The following GPR26 variants were observed in gnomAD, a reference collection of about 807,000 sequenced individuals.
GPR26 encodes the protein G protein-coupled receptor 26.
A neutral mutation model predicts 23.1 loss-of-function variants in GPR26; 15 were observed. The observed-to-expected ratio is 0.65, with a 90% CI of 0.43 to 1.00. The LOEUF (loss-of-function observed/expected upper bound fraction) is 1.00, where lower values mean the gene tolerates loss of function less well. Ranked by LOEUF, GPR26 falls within the 50% of genes least tolerant of loss-of-function variation. The pLI is 0.00. For missense variants in GPR26, 359 were observed against 470.5 expected, an observed-to-expected ratio of 0.76 and a Z score of 2.19; for synonymous variants, 228 against 222.1, an observed-to-expected ratio of 1.03 and a Z score of -0.24.
intron 2 of GPR26, among the ~76,000 whole-genome samples, chr10:123,686,236 A>G (rs1473882836): frequency 1.3e-5 from 2 of 152,242 alleles, no homozygotes; most frequent in South Asian, 2.1e-4. Context: ...TGAAAAAGCA[A>G]TTTGGCATCG....
At chr10:123,681,249 G>A (rs1028514118) in intron 2 of GPR26, among the ~76,000 whole-genome samples, 3 of 152,074 alleles carry the variant, frequency 2.0e-5, no homozygotes, top group Non-Finnish European at 2.9e-5. Flanking sequence ...TGAAACCGGC[G>A]GCCGTGCCCA....
chr10:123,686,857 C>T (rs1008720), intron 2 of GPR26, among the ~76,000 whole-genome samples: 129,541 of 152,136 alleles, frequency 0.85, 55,317 homozygotes, highest in East Asian at 0.94. Context: ...CTCTCTGGGC[C>T]TCAATTTTTT....
Position 123,689,104 on chromosome 10 carries a change from T to G in GPR26, c.*944T>G, listed in dbSNP as rs1359366576. 1 of 152,242 alleles carries G rather than the reference T, an allele frequency of 6.6e-6. No individual in the cohort carries two copies. The highest frequency in any genetic ancestry group is 2.4e-5 in the African/African-American group (1 of 41,460). The allele number at this position is 152,242 out of a possible 1,614,324, so 9.4% of individuals were successfully genotyped here. On this transcript the variant is annotated 3_prime_UTR_variant, in exon 3 of 3. Transcript: ENST00000284674. ...GGAGATGGATGGGCAAGAACTGGCC[T>G]GAGCAGGGATTTTTGCCTTGATTTT...
At position 123,691,556 on chromosome 10, in the gene GPR26, G is replaced by A. The variant is rs1845490801; in HGVS notation, c.*3396G>A. 6.6e-6 allele frequency: 1 copy of A among 152,164 alleles called. No homozygotes were observed. The allele number at this position is 152,164 out of a possible 1,614,324, so 9.4% of individuals were successfully genotyped here. On this transcript the variant is annotated 3_prime_UTR_variant, in exon 3 of 3. Transcript: ENST00000284674. ...GACCCTTGGAGGAACCAAAGGCTGT[G>A]CATTGTTAGAATTTAGCCCAGATGC...
In GPR26 at chr10:123,695,607, A is replaced by C. The variant is rs1991396; in HGVS notation, c.*7447A>C. ...GACACTCAATTGATTGGGTGACCCA[A>C]GATGGTCAGTTTCCTAAGGACCAGA... On this transcript the variant is annotated 3_prime_UTR_variant, in exon 3 of 3. Coordinates refer to ENST00000284674, the MANE Select transcript of GPR26 (RefSeq NM_153442.4). 0.25 allele frequency among the ~76,000 whole-genome samples: 38,371 copies of C among 152,036 alleles called. 5,648 individuals are homozygous for C. Among genetic ancestry groups the C allele is most frequent in the African/African-American group, 0.41 (17,004 of 41,420 alleles).
In GPR26 at chr10:123,688,396, T is replaced by C; in HGVS notation, c.*236T>C. On this transcript the variant is annotated 3_prime_UTR_variant, in exon 3 of 3. Transcript: ENST00000284674. ...TGTAGGCCGTGTGCTGGCCTTTCTT[T>C]CTAAGAAGCTGCTTTGAGCTCCTGG... 1.9e-6 allele frequency: 1 copy of C among 535,040 alleles called. No individual in the cohort carries two copies. The highest frequency in any genetic ancestry group is 2.1e-5 in the South Asian group (1 of 47,582). 33.1% of individuals were successfully genotyped at this position (535,040 alleles called of 1,614,324 possible). A position where few individuals can be genotyped will look rare whatever the true frequency, so the allele number is the denominator to read the frequency against.
intron 2 of GPR26, among the ~76,000 whole-genome samples, chr10:123,677,919 A>G (rs1224503834): frequency 6.6e-6 from 1 of 152,106 alleles, no homozygotes; most frequent in Non-Finnish European, 1.5e-5. Context: ...ACGAGCTCTG[A>G]GACTTAGCAT....
In GPR26 at chr10:123,669,085, C is replaced by T. The variant is rs573842882; in HGVS notation, c.668+2010C>T. Reference sequence around the variant, plus strand: ...GAGGACCTTGATCTCTTCCTAGCCCCGGGCTGCTTTGAAGAGCCCCTGCTC... The same window carrying T: ...GAGGACCTTGATCTCTTCCTAGCCCTGGGCTGCTTTGAAGAGCCCCTGCTC... On this transcript the variant is annotated intron_variant, in intron 1 of 2. Coordinates refer to ENST00000284674, the MANE Select transcript of GPR26 (RefSeq NM_153442.4). Among the ~76,000 whole-genome samples the T allele has an allele frequency of 7.2e-5, 11 of 152,296 alleles. No individual in the cohort carries two copies. In the South Asian group the frequency reaches 1.5e-3, roughly 20 times the overall value.
chr10:123,686,993 CTT>C (rs1845436803), intron 2 of GPR26, among the ~76,000 whole-genome samples: 1 of 152,126 alleles, frequency 6.6e-6, no homozygotes, highest in African/African-American at 2.4e-5. Flanking sequence ...GCTGGACACA[CTT>C]GAGAGAGTAA....
chr10:123,678,793 G>A (rs1209242428), intron 2 of GPR26, among the ~76,000 whole-genome samples: 4 of 152,198 alleles, frequency 2.6e-5, no homozygotes, highest in African/African-American at 9.7e-5. Flanking sequence ...TCAGAGTTCT[G>A]CTTCCCCTGC....
chr10:123,676,055 C>T (rs932779717), intron 2 of GPR26, among the ~76,000 whole-genome samples: 31 of 152,174 alleles, frequency 2.0e-4, no homozygotes, highest in African/African-American at 7.5e-4. Context: ...GCATGATTTG[C>T]TCTGGCCTCT....
At chr10:123,678,150 A>T (rs910327092) in intron 2 of GPR26, among the ~76,000 whole-genome samples, 1 of 152,214 alleles carries the variant, frequency 6.6e-6, no homozygotes, top group African/African-American at 2.4e-5. Context: ...AGTTAAATAA[A>T]ATATGTAATT....
rs903794959 is a variant in GPR26 at position 123,674,780 on chromosome 10, T to C, written c.669-38T>C. The C allele has an allele frequency of 8.1e-6, 11 of 1,350,580 alleles. No homozygotes were observed. Among genetic ancestry groups the C allele is most frequent in the Non-Finnish European group, 1.1e-5 (10 of 944,620 alleles). 83.7% of individuals were successfully genotyped at this position (1,350,580 alleles called of 1,614,324 possible). A position where few individuals can be genotyped will look rare whatever the true frequency, so the allele number is the denominator to read the frequency against. ...GTGCCTCATCCTGACCTAGCAAGGG[T>C]GCCTCGTAGTTCACCTTCTCTCCTC... On this transcript the variant is annotated intron_variant, in intron 1 of 2. Transcript: ENST00000284674. This position sits in a 1 kb window ranked among gnomAD's most constrained non-coding sequence, Gnocchi z 4.1.
chr10:123,674,046 C>T lies in GPR26; in HGVS notation c.669-772C>T, dbSNP rs1175996525. On this transcript the variant is annotated intron_variant, in intron 1 of 2. Coordinates refer to ENST00000284674, the MANE Select transcript of GPR26 (RefSeq NM_153442.4). The surrounding 1 kb of genome is among the most constrained non-coding windows in gnomAD (Gnocchi z 4.1). ...GGTCTCAGCTCACTGCAACCTCTGC[C>T]TCCTGGGTTCAAGTGATTCTCCTGT... 1.3e-5 allele frequency among the ~76,000 whole-genome samples: 2 copies of T among 152,184 alleles called. No individual in the cohort carries two copies. Among genetic ancestry groups the T allele is most frequent in the Non-Finnish European group, 2.9e-5 (2 of 68,032 alleles).
rs1845285450 is a variant in GPR26 at position 123,674,552 on chromosome 10, C to T, written c.669-266C>T. ...TTTATGCATTTAATTCTCAAAACAGCCTCTTGTAGCATTTTATTACATTAT... is the reference window on the plus strand; with the variant it reads ...TTTATGCATTTAATTCTCAAAACAGTCTCTTGTAGCATTTTATTACATTAT... On this transcript the variant is annotated intron_variant, in intron 1 of 2. Transcript: ENST00000284674. This position sits in a 1 kb window ranked among gnomAD's most constrained non-coding sequence, Gnocchi z 4.1. 6.6e-6 allele frequency among the ~76,000 whole-genome samples: 1 copy of T among 152,194 alleles called. No homozygotes were observed. The highest frequency in any genetic ancestry group is 2.1e-4 in the South Asian group (1 of 4,824).
chr10:123,677,844 C>G (rs1337691124), intron 2 of GPR26, among the ~76,000 whole-genome samples: 6 of 152,228 alleles, frequency 3.9e-5, no homozygotes, highest in African/African-American at 1.2e-4. Context: ...CCACCAGCAA[C>G]AGGTGGCTAC....
rs565640476 is a variant in GPR26, at chr10:123,696,201, C to A, written c.*8041C>A. 6.6e-6 allele frequency among the ~76,000 whole-genome samples: 1 copy of A among 152,128 alleles called. No homozygotes were observed. On this transcript the variant is annotated 3_prime_UTR_variant, in exon 3 of 3. Transcript: ENST00000284674. ...GTAGACAACTTTAGCCACTCCTGTC[C>A]GTCCTTCTTCATGGAACACACTCAT... is the stretch of plus-strand genomic sequence containing the variant.
At chr10:123,670,888 G>C (rs546639412) in intron 1 of GPR26, among the ~76,000 whole-genome samples, 1 of 152,260 alleles carries the variant, frequency 6.6e-6, no homozygotes, top group African/African-American at 2.4e-5. Flanking sequence ...ATGGAAAGTC[G>C]GGGCTGTAGG....
chr10:123,696,416 G>T lies in GPR26; in HGVS notation c.*8256G>T, dbSNP rs993285623. Among the ~76,000 whole-genome samples, 8 of 152,110 alleles carry T rather than the reference G, an allele frequency of 5.3e-5. No homozygotes were observed. The highest frequency in any genetic ancestry group is 1.3e-4 in the Admixed American group (2 of 15,288). On this transcript the variant is annotated 3_prime_UTR_variant, in exon 3 of 3. Coordinates refer to ENST00000284674, the MANE Select transcript of GPR26 (RefSeq NM_153442.4). The stretch of plus-strand genomic sequence containing the variant: ...TCTATTTTTTTCATGTCTGTGAAAA[G>T]TGGGGTGGGGAACTCACACCAACCA...
Sources: gnomAD v4.1 joint callset for allele counts (sites outside exome capture counted in the v4.1 genomes callset) on GRCh38, gnomAD v4.1.1 for gene constraint, Gnocchi (gnomAD v3.1) non-coding constraint, MANE v1.5 for transcripts, NCBI Gene and HGNC (gene_info 2026-07-23, HGNC 2026-07-21) for gene names.